PRELID2: variants seen among roughly 807,000 people sequenced by gnomAD.
PRELID2 encodes PRELI domain-containing protein 2.
Under a neutral mutation model 28.4 loss-of-function variants are expected in PRELID2, and 25 were observed. The observed-to-expected ratio is 0.88, with a 90% confidence interval of 0.64 to 1.23. The LOEUF is 1.23. PRELID2 is among the 50% of genes most tolerant of loss of function. PRELID2 has a pLI of 0.00. For missense variants in PRELID2, 201 were observed against 214.4 expected (o/e 0.94, Z 0.39); for synonymous variants, 76 against 71.6 (o/e 1.06, Z -0.31).
At chr5:145,761,749 G>A (rs991713255) in intron 6 of PRELID2, among the ~76,000 whole-genome samples, 5 of 152,174 alleles carry the variant, frequency 3.3e-5, no homozygotes, top group South Asian at 2.1e-4. Context: ...GCAGGCAGCC[G>A]GCTAAATTTG....
intron 1 of PRELID2, among the ~76,000 whole-genome samples, chr5:145,477,166 A>C (rs1252136558): frequency 1.3e-5 from 2 of 152,202 alleles, no homozygotes; most frequent in Non-Finnish European, 2.9e-5. Context: ...TAAGAGAGAG[A>C]GAGGATACAG....
At chr5:145,428,277 T>G in the PRELID2 span, among the ~76,000 whole-genome samples, 31,827 of 152,122 alleles carry the variant, frequency 0.21, 3,687 homozygotes, top group South Asian at 0.32. Context: ...CAATTTCTAC[T>G]TCTATTGGTG....
intron 1 of PRELID2, among the ~76,000 whole-genome samples, chr5:145,738,781 T>C (rs1473301333): frequency 4.6e-5 from 7 of 152,078 alleles, no homozygotes; most frequent in African/African-American, 1.7e-4. Context: ...AAAGAAACAA[T>C]AGCTGAAAAC....
the PRELID2 span, chr5:145,229,466 C>T: frequency 1.1e-6 from 1 of 930,724 alleles, no homozygotes; most frequent in Admixed American, 1.7e-5. Context: ...AGCCAAAGCC[C>T]CCAACACCCC....
intron 1 of PRELID2, among the ~76,000 whole-genome samples, chr5:145,611,631 C>A (rs184275009): frequency 3.3e-5 from 5 of 152,240 alleles, no homozygotes; most frequent in African/African-American, 1.2e-4. Flanking sequence ...TTGGATTAAA[C>A]AATACTTAAT....
chr5:145,293,080 C>A, the PRELID2 span, among the ~76,000 whole-genome samples: 1 of 152,082 alleles, frequency 6.6e-6, no homozygotes, highest in Non-Finnish European at 1.5e-5. Context: ...AACACAGAGC[C>A]TTTATTCCCA....
chr5:145,587,876 C>T (rs2149628952), intron 1 of PRELID2, among the ~76,000 whole-genome samples: 1 of 152,268 alleles, frequency 6.6e-6, no homozygotes, highest in Non-Finnish European at 1.5e-5. Flanking sequence ...ACTGGGGTAC[C>T]TCTGAGTAAC....
At chr5:145,446,238 C>A in the PRELID2 span, among the ~76,000 whole-genome samples, 2 of 151,752 alleles carry the variant, frequency 1.3e-5, no homozygotes, top group African/African-American at 4.8e-5. Flanking sequence ...CCATGTACCC[C>A]ATCAATGTGT....
At chr5:145,590,858 A>G (rs1023864436) in intron 1 of PRELID2, among the ~76,000 whole-genome samples, 2 of 152,162 alleles carry the variant, frequency 1.3e-5, no homozygotes, top group South Asian at 4.1e-4. Context: ...CCATGAATAC[A>G]GTAAGATAGA....
intron 1 of PRELID2, among the ~76,000 whole-genome samples, chr5:145,520,827 G>A (rs1422268766): frequency 2.6e-5 from 4 of 152,040 alleles, no homozygotes; most frequent in Admixed American, 2.6e-4. Flanking sequence ...ACAATGCCGA[G>A]AACATAGTAC....
chr5:145,675,125 T>C (rs1033189529), intron 1 of PRELID2, among the ~76,000 whole-genome samples: 2 of 152,042 alleles, frequency 1.3e-5, no homozygotes, highest in African/African-American at 4.8e-5. Context: ...AATTTAAAAT[T>C]TTTTAAACCC....
chr5:145,621,575 G>T (rs1419617768), intron 1 of PRELID2, among the ~76,000 whole-genome samples: 1 of 152,128 alleles, frequency 6.6e-6, no homozygotes, highest in African/African-American at 2.4e-5. Flanking sequence ...CAATAAAAAG[G>T]AATGAACTGC....
chr5:145,710,800 G>T (rs772495895), intron 1 of PRELID2, among the ~76,000 whole-genome samples: 19 of 152,212 alleles, frequency 1.2e-4, no homozygotes, highest in Non-Finnish European at 2.4e-4. Flanking sequence ...GTTCTTTACA[G>T]AGGTTTCCCA....
intron 1 of PRELID2, among the ~76,000 whole-genome samples, chr5:145,731,706 G>A (rs573199128): frequency 3.9e-5 from 6 of 152,248 alleles, no homozygotes; most frequent in East Asian, 1.9e-4. Flanking sequence ...TCTCCATTAC[G>A]ATGAATCAGA....
intron 1 of PRELID2, among the ~76,000 whole-genome samples, chr5:145,533,380 C>A (rs891740553): frequency 4.6e-5 from 7 of 151,918 alleles, no homozygotes; most frequent in Admixed American, 6.6e-5. Context: ...AATGAAAGAA[C>A]CCCACATAAT....
rs150349618 is a variant in PRELID2 at position 145,540,604 on chromosome 5, T to A, written n.71-67289A>T. Among the ~76,000 whole-genome samples, 936 of 150,648 alleles carry A rather than the reference T, an allele frequency of 6.2e-3. 11 individuals are homozygous for A. The highest frequency in any genetic ancestry group is 0.022 in the African/African-American group (904 of 41,026). Reference sequence around the variant, plus strand: ...GGAAATATGGGAACAGACAAACAAGTTAAATGACTCAGAAGGAAATCACCA... The same window carrying A: ...GGAAATATGGGAACAGACAAACAAGATAAATGACTCAGAAGGAAATCACCA... On this transcript the variant is annotated intron_variant and non_coding_transcript_variant, in intron 1 of 2. Transcript: ENST00000510259.
chr5:145,406,246 A>G, the PRELID2 span, among the ~76,000 whole-genome samples: 1 of 152,224 alleles, frequency 6.6e-6, no homozygotes, highest in Non-Finnish European at 1.5e-5. Flanking sequence ...TCATATTTGT[A>G]TAACAGGTGG....
chr5:145,333,368 A>C, the PRELID2 span, among the ~76,000 whole-genome samples: 1 of 152,200 alleles, frequency 6.6e-6, no homozygotes, highest in Non-Finnish European at 1.5e-5. Flanking sequence ...AGGTGTGCCC[A>C]CAGCTTCCCC....
intron 1 of PRELID2, among the ~76,000 whole-genome samples, chr5:145,532,708 G>A (rs566968935): frequency 2.0e-5 from 3 of 151,924 alleles, no homozygotes; most frequent in Non-Finnish European, 4.4e-5. Context: ...AAGTGAGATC[G>A]TGTAGTATTT....
Sources: gnomAD v4.1 joint callset for allele counts (sites outside exome capture counted in the v4.1 genomes callset) on GRCh38, gnomAD v4.1.1 for gene constraint, MANE v1.5 for transcripts, NCBI Gene and HGNC (gene_info 2026-07-23, HGNC 2026-07-21) for gene names.